Variants in CREM observed in about 807,000 individuals in gnomAD.
CREM encodes the protein cAMP-responsive element modulator.
CREM carries 13 observed loss-of-function variants against 37.3 expected under a neutral mutation model. The ratio of observed to expected loss-of-function variants is 0.35; its 90% CI spans 0.23 to 0.55. CREM has a LOEUF of 0.55. Ranked by LOEUF, CREM falls within the 20% of genes least tolerant of loss-of-function variation. The probability of loss-of-function intolerance (pLI) is 0.88; values close to 1 mark genes in which losing one functional copy is unlikely to be tolerated. For synonymous variants in CREM, 124 were observed against 120.2 expected, an observed-to-expected ratio of 1.03 and a Z score of -0.21; for missense variants, 296 against 362.3, an observed-to-expected ratio of 0.82 and a Z score of 1.49.
At chr10:35,205,527 A>G (rs1485426049) in intron 6 of CREM, among the ~76,000 whole-genome samples, 1 of 152,220 alleles carries the variant, frequency 6.6e-6, no homozygotes, top group East Asian at 1.9e-4. Context: ...AAAGACATTC[A>G]GTGACTGTTT....
rs1545756 is a variant in CREM, at chr10:35,190,507, T to C, written c.598+2119T>C. ...TCTGAATCCCAGCGCCATACATGTT[T>C]GTTATCTCATAAAACAAGTTCCCCT... On this transcript the variant is annotated intron_variant, in intron 6 of 7. Transcript: ENST00000685392. Among the ~76,000 whole-genome samples the C allele has an allele frequency of 3.9e-5, 6 of 152,350 alleles. No homozygotes were observed. In the South Asian group the frequency reaches 1.0e-3, roughly 26 times the overall value.
chr10:35,174,264 T>C (rs1012277255), intron 3 of CREM, among the ~76,000 whole-genome samples: 1 of 152,202 alleles, frequency 6.6e-6, no homozygotes, highest in African/African-American at 2.4e-5. Context: ...TACTGATCTT[T>C]CTATTCTGTA....
intron 3 of CREM, among the ~76,000 whole-genome samples, chr10:35,161,459 A>C (rs1158721527): frequency 2.6e-5 from 4 of 151,786 alleles, no homozygotes; most frequent in African/African-American, 9.7e-5. Flanking sequence ...GTCCCAGTGG[A>C]CTCCAGCCTG....
intron 7 of CREM, chr10:35,209,408 A>G (rs2095614928): frequency 1.0e-6 from 1 of 967,816 alleles, no homozygotes; most frequent in Non-Finnish European, 1.2e-6. Flanking sequence ...CTATTAATAG[A>G]AGAAACAGGT....
At chr10:35,182,998 AT>A (rs1406437499) in intron 5 of CREM, among the ~76,000 whole-genome samples, 1 of 152,222 alleles carries the variant, frequency 6.6e-6, no homozygotes, top group Non-Finnish European at 1.5e-5. Context: ...AACCGAGGAA[AT>A]TAAAATGTTT....
intron 7 of CREM, among the ~76,000 whole-genome samples, chr10:35,207,349 G>A (rs574295502): frequency 1.3e-5 from 2 of 151,990 alleles, no homozygotes; most frequent in East Asian, 1.9e-4. Flanking sequence ...AGCCAAGATC[G>A]TGCCACTGCA....
intron 1 of CREM, among the ~76,000 whole-genome samples, chr10:35,132,895 T>C (rs2089706191): frequency 6.6e-6 from 1 of 152,256 alleles, no homozygotes; most frequent in Non-Finnish European, 1.5e-5. Context: ...TTCTCCTTTA[T>C]CTTTCAAACT....
intron 6 of CREM, among the ~76,000 whole-genome samples, chr10:35,191,778 A>C (rs2094929402): frequency 2.0e-5 from 3 of 150,034 alleles, no homozygotes; most frequent in African/African-American, 4.9e-5. Context: ...TCACTCCCCC[A>C]CCCTCTTCCT....
At chr10:35,176,037 C>T in intron 3 of CREM, 1 of 1,524,590 alleles carries the variant, frequency 6.6e-7, no homozygotes. Flanking sequence ...CTTTGACTTT[C>T]TTGAGCCATT....
chr10:35,166,714 G>A (rs1040950808), intron 3 of CREM, among the ~76,000 whole-genome samples: 2 of 152,170 alleles, frequency 1.3e-5, no homozygotes, highest in Non-Finnish European at 2.9e-5. Context: ...GAGCAACAGA[G>A]CTGAACTCTG....
intron 3 of CREM, among the ~76,000 whole-genome samples, chr10:35,177,354 A>G (rs2094140588): frequency 6.6e-6 from 1 of 152,214 alleles, no homozygotes; most frequent in South Asian, 2.1e-4. Flanking sequence ...TAATTATAAA[A>G]CAAGAAAGTC....
chr10:35,162,977 A>T (rs1412712522), intron 3 of CREM, among the ~76,000 whole-genome samples: 1 of 150,242 alleles, frequency 6.7e-6, no homozygotes, highest in Non-Finnish European at 1.5e-5. Context: ...TTGGGAGGCC[A>T]AGTCAGGAGG....
chr10:35,192,868 T>C (rs1490542771), intron 6 of CREM, among the ~76,000 whole-genome samples: 1 of 152,212 alleles, frequency 6.6e-6, no homozygotes, highest in Non-Finnish European at 1.5e-5. Flanking sequence ...AAATCTTTCA[T>C]GTGGCCCAAA....
intron 1 of CREM, among the ~76,000 whole-genome samples, chr10:35,134,297 A>G (rs2135485322): frequency 6.6e-6 from 1 of 152,198 alleles, no homozygotes. Flanking sequence ...GCTCACTGCA[A>G]CCTCTGCCTC....
chr10:35,147,582 CA>C (rs1475521810), intron 2 of CREM, among the ~76,000 whole-genome samples: 1 of 151,992 alleles, frequency 6.6e-6, no homozygotes, highest in Non-Finnish European at 1.5e-5. Context: ...GATAACAAAG[CA>C]AGACACATTT....
At chr10:35,180,571 A>C (rs1451148452) in intron 5 of CREM, among the ~76,000 whole-genome samples, 1 of 152,232 alleles carries the variant, frequency 6.6e-6, no homozygotes, top group East Asian at 1.9e-4. Context: ...CACGTTTGAC[A>C]GGGCACCCAG....
chr10:35,161,472 C>T (rs1354366514), intron 3 of CREM, among the ~76,000 whole-genome samples: 1 of 151,648 alleles, frequency 6.6e-6, no homozygotes. Flanking sequence ...CCAGCCTGGG[C>T]AACACAGCAA....
At chr10:35,208,898 G>A (rs1422610095) in intron 7 of CREM, among the ~76,000 whole-genome samples, 4 of 152,172 alleles carry the variant, frequency 2.6e-5, no homozygotes, top group South Asian at 4.1e-4. Flanking sequence ...ATGATACCTG[G>A]CTGTTAGGTT....
chr10:35,146,137 A>C (rs2092085866), intron 2 of CREM, among the ~76,000 whole-genome samples: 1 of 152,264 alleles, frequency 6.6e-6, no homozygotes, highest in African/African-American at 2.4e-5. Flanking sequence ...AATGAAATAT[A>C]GTTTACTGGG....
Sources: gnomAD v4.1 joint callset for allele counts (sites outside exome capture counted in the v4.1 genomes callset) on GRCh38, gnomAD v4.1.1 for gene constraint, MANE v1.5 for transcripts, NCBI Gene and HGNC (gene_info 2026-07-23, HGNC 2026-07-21) for gene names.